Variants in PACS2 observed in about 807,000 individuals in gnomAD.
PACS2 encodes PACS1-like protein.
Under a neutral mutation model 113.0 loss-of-function variants are expected in PACS2, and 36 were observed. The ratio of observed to expected loss-of-function variants is 0.32; its 90% CI spans 0.24 to 0.42. PACS2 has a LOEUF of 0.42. Ranked by LOEUF, PACS2 falls within the 10% of genes least tolerant of loss-of-function variation. The probability of loss-of-function intolerance (pLI) is 1.00; values close to 1 mark genes in which losing one functional copy is unlikely to be tolerated. For synonymous variants in PACS2, 589 were observed against 536.1 expected (o/e 1.10, Z -1.36); for missense variants, 1,015 against 1,239.5 (o/e 0.82, Z 2.72).
At chr14:105,367,484 G>T in intron 5 of PACS2, 109 bp downstream of exon 5, 1 of 1,099,400 alleles carries the variant, frequency 9.1e-7, no homozygotes, top group Admixed American at 1.8e-5. Flanking sequence ...GGAGTTGGGG[G>T]TCCGGAGCAC....
rs1654497416 is a variant in PACS2 at position 105,392,693 on chromosome 14, GGGACGCCGAGAAGAA to G, written c.2335_2349del (p.Ala779_Asp783del). ...GCAGCACAGCCTGCGGACAGGAAGAGGGACGCCGAGAAGAAGGACCTGCCTGTCACCAAAAACACG... is the reference window on the plus strand; with the variant it reads ...GCAGCACAGCCTGCGGACAGGAAGAGGGACCTGCCTGTCACCAAAAACACG... On this transcript the variant is annotated inframe_deletion, in exon 23 of 25. Coordinates refer to ENST00000447393, the MANE Select transcript of PACS2 (RefSeq NM_001100913.3). 1.9e-6 allele frequency: 3 copies of G among 1,612,790 alleles called. No homozygotes were observed. The highest frequency in any genetic ancestry group is 2.5e-6 in the Non-Finnish European group (3 of 1,179,956).
At chr14:105,341,391 T>C (rs2059718827) in intron 1 of PACS2, among the ~76,000 whole-genome samples, 1 of 152,262 alleles carries the variant, frequency 6.6e-6, no homozygotes, top group East Asian at 1.9e-4. Context: ...GATGTGAACA[T>C]TGAGTTTCCA....
Position 105,383,342 on chromosome 14 carries a change from C to A in PACS2, c.1626-17C>A, listed in dbSNP as rs782246065. Reference sequence around the variant, plus strand: ...GGCGTCTGTCCCCTCTCCGTCCCACCTGCCTCTGGATTGCAGCTGCAACTG... The same window carrying A: ...GGCGTCTGTCCCCTCTCCGTCCCACATGCCTCTGGATTGCAGCTGCAACTG... On this transcript the variant is annotated splice_polypyrimidine_tract_variant and intron_variant, in intron 15 of 24. Coordinates refer to ENST00000447393, the MANE Select transcript of PACS2 (RefSeq NM_001100913.3). 3.1e-6 allele frequency: 5 copies of A among 1,604,960 alleles called. No homozygotes were observed. The Admixed American group carries it at 8.3e-5, about 27-fold the overall frequency.
intron 1 of PACS2, among the ~76,000 whole-genome samples, chr14:105,325,072 C>T (rs1012323731): frequency 1.3e-5 from 2 of 152,072 alleles, no homozygotes; most frequent in Admixed American, 6.5e-5. Flanking sequence ...CACCCCCTGC[C>T]CCCGGACACA....
chr14:105,369,466 C>A (rs868992025), intron 7 of PACS2, among the ~76,000 whole-genome samples: 1 of 152,228 alleles, frequency 6.6e-6, no homozygotes, highest in Non-Finnish European at 1.5e-5. Flanking sequence ...GCACGCCCCA[C>A]CCCACACTCG....
rs185769211 is a variant in PACS2 at position 105,366,903 on chromosome 14, G to A, written c.424-310G>A. On this transcript the variant is annotated intron_variant, in intron 4 of 24. Transcript: ENST00000447393. The surrounding 1 kb of genome is among the most constrained non-coding windows in gnomAD (Gnocchi z 4.3). ...CCCTGTCTGTCCATCTCAGTCCCTC[G>A]TGACTGTGCCTGGCACTGGCCTCTC... Among the ~76,000 whole-genome samples, 21 of 152,282 alleles carry A rather than the reference G, an allele frequency of 1.4e-4. No individual in the cohort carries two copies. Among genetic ancestry groups the A allele is most frequent in the East Asian group, 5.8e-4 (3 of 5,186 alleles).
At chr14:105,308,808 A>AT (rs1246346333) in intron 1 of PACS2, among the ~76,000 whole-genome samples, 1 of 151,702 alleles carries the variant, frequency 6.6e-6, no homozygotes, top group Non-Finnish European at 1.5e-5. Context: ...TAAATAAATA[A>AT]TTTTTTAAAA....
Position 105,367,061 on chromosome 14 carries a change from A to C in PACS2, c.424-152A>C. ...TCCCCAGTGGCCACGTTTCCTGTCCACTGGATGCTCCCTGCCCTGTGGCTG... is the reference window on the plus strand; with the variant it reads ...TCCCCAGTGGCCACGTTTCCTGTCCCCTGGATGCTCCCTGCCCTGTGGCTG... On this transcript the variant is annotated intron_variant, in intron 4 of 24. Transcript: ENST00000447393. 9.1e-6 allele frequency: 6 copies of C among 656,738 alleles called. No individual in the cohort carries two copies. The South Asian group carries it at 1.1e-4, about 13-fold the overall frequency. 40.7% of individuals were successfully genotyped at this position (656,738 alleles called of 1,614,324 possible).
rs1326870751 is a variant in PACS2, at chr14:105,324,434, C to G, written c.119+9397C>G. 6.6e-6 allele frequency among the ~76,000 whole-genome samples: 1 copy of G among 152,194 alleles called. No individual in the cohort carries two copies. Among genetic ancestry groups the G allele is most frequent in the Non-Finnish European group, 1.5e-5 (1 of 68,022 alleles). ...ATTCCTGCCTGGCCGTGGAGGGTCT[C>G]TGTAGGACAGGCTCCCGCTGAGGGC... On this transcript the variant is annotated intron_variant, in intron 1 of 24. Coordinates refer to ENST00000447393, the MANE Select transcript of PACS2 (RefSeq NM_001100913.3). The surrounding 1 kb of genome is among the most constrained non-coding windows in gnomAD (Gnocchi z 4.7).
intron 16 of PACS2, 129 bp downstream of exon 16, chr14:105,383,642 C>T (rs946087552): frequency 8.6e-5 from 70 of 814,132 alleles, no homozygotes; most frequent in African/African-American, 1.2e-4. Context: ...TGGTGTGGCG[C>T]GGTGTGGCAT....
chr14:105,301,444 C>A (rs1392238631), intron 1 of PACS2, among the ~76,000 whole-genome samples: 6 of 135,668 alleles, frequency 4.4e-5, no homozygotes, highest in African/African-American at 1.7e-4. Context: ...GGGGGCCGAG[C>A]GTGGTGGGCG....
In PACS2 at chr14:105,376,628, C is replaced by A; in HGVS notation, c.802-140C>A. On this transcript the variant is annotated intron_variant, in intron 8 of 24. Transcript: ENST00000447393. The surrounding 1 kb of genome is among the most constrained non-coding windows in gnomAD (Gnocchi z 4.7). ...CCCGAGCTCCAAGACAGAAGCTGGA[C>A]TACAGCCGTGCTGAGTGGAGGGGTT... 1.4e-6 allele frequency: 1 copy of A among 698,208 alleles called. No homozygotes were observed. Among genetic ancestry groups the A allele is most frequent in the Non-Finnish European group, 2.4e-6 (1 of 424,234 alleles). 43.3% of individuals were successfully genotyped at this position (698,208 alleles called of 1,614,324 possible). A position where few individuals can be genotyped will look rare whatever the true frequency, so the allele number is the denominator to read the frequency against.
chr14:105,355,026 G>A lies in PACS2; in HGVS notation c.298-26G>A. 6.2e-7 allele frequency: 1 copy of A among 1,608,886 alleles called. No homozygotes were observed. On this transcript the variant is annotated intron_variant, in intron 3 of 24. Coordinates refer to ENST00000447393, the MANE Select transcript of PACS2 (RefSeq NM_001100913.3). This position sits in a 1 kb window ranked among gnomAD's most constrained non-coding sequence, Gnocchi z 4.1. The stretch of plus-strand genomic sequence containing the variant: ...TGCCTGGGGCCCCGGTGCACCCTCA[G>A]CTGCCACTCGCACTTGTGCCCACAG...
intron 2 of PACS2, among the ~76,000 whole-genome samples, chr14:105,350,827 G>A (rs587747654): frequency 6.6e-6 from 1 of 152,370 alleles, no homozygotes; most frequent in East Asian, 1.9e-4. Context: ...AAGGGTCAAG[G>A]GGAGGAGCAG....
At chr14:105,306,047 A>T (rs1040000768) in intron 1 of PACS2, among the ~76,000 whole-genome samples, 1 of 152,210 alleles carries the variant, frequency 6.6e-6, no homozygotes, top group Non-Finnish European at 1.5e-5. Flanking sequence ...GGGCAGGAAC[A>T]TTCCTTCATG....
chr14:105,334,091 C>T (rs144936431), intron 1 of PACS2, among the ~76,000 whole-genome samples: 1 of 152,074 alleles, frequency 6.6e-6, no homozygotes, highest in African/African-American at 2.4e-5. Flanking sequence ...GATGCCCTGT[C>T]TGGTCTAGAG....
At chr14:105,380,800 G>C (rs2141235891) in intron 11 of PACS2, among the ~76,000 whole-genome samples, 157 bp from the exon 12 acceptor site, 1 of 152,330 alleles carries the variant, frequency 6.6e-6, no homozygotes, top group Non-Finnish European at 1.5e-5. Flanking sequence ...ATTTGGCTCA[G>C]CTAGGCTCCC....
rs1054412466 is a variant in PACS2 at position 105,323,827 on chromosome 14, C to T, written c.119+8790C>T. On this transcript the variant is annotated intron_variant, in intron 1 of 24. Transcript: ENST00000447393. This position sits in a 1 kb window ranked among gnomAD's most constrained non-coding sequence, Gnocchi z 4.1. ...AGTGGCCTGTAGGCTGGGCAGCACT[C>T]GAGCTGGGGCCAAGGGGCAGCAGGA... Among the ~76,000 whole-genome samples, 7 of 152,170 alleles carry T rather than the reference C, an allele frequency of 4.6e-5. No individual in the cohort carries two copies. Among genetic ancestry groups the T allele is most frequent in the African/African-American group, 9.7e-5 (4 of 41,434 alleles).
chr14:105,314,581 T>G (rs1463720195), upstream of PACS2: 1 of 144,106 alleles, frequency 6.9e-6, no homozygotes. Context: ...GCACCTCACT[T>G]CCGGCGCGCG....
Sources: gnomAD v4.1 joint callset for allele counts (sites outside exome capture counted in the v4.1 genomes callset) on GRCh38, gnomAD v4.1.1 for gene constraint, Gnocchi (gnomAD v3.1) non-coding constraint, MANE v1.5 for transcripts, NCBI Gene and HGNC (gene_info 2026-07-23, HGNC 2026-07-21) for gene names.